Variants in SOX5 observed in about 807,000 individuals in gnomAD.
The protein encoded by SOX5 is SRY-box transcription factor 5.
SOX5 carries 9 observed loss-of-function variants against 92.0 expected under a neutral mutation model. That is an observed-to-expected ratio of 0.10 (90% CI 0.06 to 0.17). SOX5 has a LOEUF of 0.17. Ranked by LOEUF, SOX5 falls within the 10% of genes least tolerant of loss-of-function variation. The pLI, the probability that SOX5 is intolerant of heterozygous loss-of-function variation, is 1.00. For missense variants in SOX5, 642 were observed against 944.5 expected (o/e 0.68, Z 4.20); for synonymous variants, 344 against 336.3 (o/e 1.02, Z -0.25).
chr12:24,011,926 G>GA (rs1952987685), intron 4 of SOX5, among the ~76,000 whole-genome samples: 3 of 151,632 alleles, frequency 2.0e-5, no homozygotes, highest in Non-Finnish European at 4.4e-5. Flanking sequence ...TACAAGTGTA[G>GA]AAAAAAAAGA....
intron 10 of SOX5, among the ~76,000 whole-genome samples, chr12:23,563,807 A>G (rs1422382290): frequency 6.6e-6 from 1 of 152,196 alleles, no homozygotes; most frequent in Non-Finnish European, 1.5e-5. Context: ...GGTATTCATA[A>G]TTATGACTAT....
intron 4 of SOX5, among the ~76,000 whole-genome samples, chr12:23,968,384 G>A (rs1947832426): frequency 6.6e-6 from 1 of 152,184 alleles, no homozygotes; most frequent in Non-Finnish European, 1.5e-5. Context: ...GTCCCCCAAA[G>A]TTCACATGTT....
At chr12:24,288,441 T>G (rs1166278990) in intron 2 of SOX5, among the ~76,000 whole-genome samples, 1 of 152,204 alleles carries the variant, frequency 6.6e-6, no homozygotes, top group Non-Finnish European at 1.5e-5. Flanking sequence ...TATCAGCTCT[T>G]AGACAGTCAC....
At chr12:23,935,665 C>G (rs1942381549) in intron 1 of SOX5, among the ~76,000 whole-genome samples, 1 of 151,028 alleles carries the variant, frequency 6.6e-6, no homozygotes, top group South Asian at 2.1e-4. Flanking sequence ...CAGCATATCA[C>G]CTTGTGCAAT....
At chr12:23,675,391 C>A (rs1395330428) in intron 6 of SOX5, among the ~76,000 whole-genome samples, 3 of 152,100 alleles carry the variant, frequency 2.0e-5, no homozygotes, top group Admixed American at 6.6e-5. Context: ...CCAGAAATAA[C>A]CCCAAGCCTA....
chr12:24,444,511 G>T (rs572272673), intron 1 of SOX5, among the ~76,000 whole-genome samples: 1 of 152,262 alleles, frequency 6.6e-6, no homozygotes, highest in South Asian at 2.1e-4. Flanking sequence ...TAGAAATGGG[G>T]CATGAAATGT....
At chr12:23,554,153 G>T (rs1218204289) in intron 11 of SOX5, among the ~76,000 whole-genome samples, 1 of 152,058 alleles carries the variant, frequency 6.6e-6, no homozygotes, top group Non-Finnish European at 1.5e-5. Flanking sequence ...TTCGTCACTT[G>T]TTTTATCAGA....
At chr12:23,746,876 C>T (rs561058412) in intron 4 of SOX5, among the ~76,000 whole-genome samples, 14 of 152,114 alleles carry the variant, frequency 9.2e-5, no homozygotes, top group South Asian at 8.3e-4. Flanking sequence ...GGGTCTTTCC[C>T]GTGCTATTCT....
chr12:24,492,392 T>C (rs1221443355), intron 1 of SOX5, among the ~76,000 whole-genome samples: 1 of 152,176 alleles, frequency 6.6e-6, no homozygotes, highest in African/African-American at 2.4e-5. Context: ...GAGGAAATAT[T>C]GTGCCTAAAT....
chr12:24,407,061 C>A (rs1963125294), intron 1 of SOX5, among the ~76,000 whole-genome samples: 1 of 151,918 alleles, frequency 6.6e-6, no homozygotes, highest in South Asian at 2.1e-4. Flanking sequence ...AACACAGGAG[C>A]TGCTGAACAA....
chr12:24,303,692 T>C lies in SOX5; in HGVS notation c.-173-26380A>G, dbSNP rs536611830. Among the ~76,000 whole-genome samples the C allele has an allele frequency of 3.3e-5, 5 of 152,248 alleles. No homozygotes were observed. In the East Asian group the frequency reaches 7.7e-4, roughly 24 times the overall value. On this transcript the variant is annotated intron_variant, in intron 2 of 4. Transcript: ENST00000446891. ...TGGCAGTGCTCAGTAACACATCACA[T>C]GAGTAAATGAAGGTCACCGATTCCT...
intron 2 of SOX5, among the ~76,000 whole-genome samples, chr12:24,353,304 C>T (rs1954345353): frequency 6.6e-6 from 1 of 152,134 alleles, no homozygotes; most frequent in Non-Finnish European, 1.5e-5. Flanking sequence ...ACTGGGGAGT[C>T]CAGAATCTGG....
At chr12:24,092,614 T>C (rs991569847) in intron 4 of SOX5, among the ~76,000 whole-genome samples, 1 of 152,178 alleles carries the variant, frequency 6.6e-6, no homozygotes, top group Non-Finnish European at 1.5e-5. Flanking sequence ...ATTTTACTAA[T>C]ACTGATGCAT....
At chr12:23,694,890 A>G (rs1274391612) in intron 6 of SOX5, among the ~76,000 whole-genome samples, 1 of 152,110 alleles carries the variant, frequency 6.6e-6, no homozygotes, top group Admixed American at 6.5e-5. Flanking sequence ...AGGCCAAGGC[A>G]GAAAGATCAC....
intron 4 of SOX5, among the ~76,000 whole-genome samples, chr12:24,095,910 AT>A (rs1945349294): frequency 1.3e-5 from 2 of 152,112 alleles, no homozygotes; most frequent in Non-Finnish European, 1.5e-5. Context: ...CTCCTCAGCC[AT>A]GCTGAACTAC....
chr12:23,603,674 C>T (rs1351685206), intron 9 of SOX5, among the ~76,000 whole-genome samples: 3 of 151,690 alleles, frequency 2.0e-5, no homozygotes, highest in Non-Finnish European at 4.4e-5. Context: ...ATTTTTCTCT[C>T]CTTCTAGGCC....
intron 3 of SOX5, among the ~76,000 whole-genome samples, chr12:23,832,227 C>T (rs10771036): frequency 0.84 from 127,108 of 151,880 alleles, 53,366 homozygotes; most frequent in African/African-American, 0.9. Flanking sequence ...ATTTAATCCC[C>T]ATTAATTAAA....
At chr12:24,384,451 A>G (rs1047232261) in intron 1 of SOX5, among the ~76,000 whole-genome samples, 5 of 152,176 alleles carry the variant, frequency 3.3e-5, no homozygotes, top group African/African-American at 9.7e-5. Context: ...TGCCCAAAGC[A>G]TAAGAATCAT....
chr12:23,887,219 G>A (rs2097077395), intron 2 of SOX5, among the ~76,000 whole-genome samples: 1 of 152,096 alleles, frequency 6.6e-6, no homozygotes, highest in Non-Finnish European at 1.5e-5. Context: ...TAAGAGGAAG[G>A]AAGTATATAT....
Sources: allele counts gnomAD v4.1 joint callset (sites outside exome capture counted in the v4.1 genomes callset), GRCh38; gene constraint gnomAD v4.1.1; transcripts MANE v1.5; gene names NCBI Gene and HGNC (gene_info 2026-07-23, HGNC 2026-07-21).